The following SKAP2 variants were observed in gnomAD, a reference collection of about 807,000 sequenced individuals.
The protein encoded by SKAP2 is src kinase associated phosphoprotein 2, also known as src kinase-associated phosphoprotein 2.
A neutral mutation model predicts 54.9 loss-of-function variants in SKAP2; 28 were observed. The observed-to-expected ratio is 0.51, with a 90% confidence interval of 0.38 to 0.70. The LOEUF (loss-of-function observed/expected upper bound fraction) is 0.70, where lower values mean the gene tolerates loss of function less well. Ranked by LOEUF, SKAP2 falls within the 30% of genes least tolerant of loss-of-function variation. The pLI, the probability that SKAP2 is intolerant of heterozygous loss-of-function variation, is 0.00. For synonymous variants in SKAP2, 137 were observed against 134.3 expected (o/e 1.02, Z -0.14); for missense variants, 356 against 424.1 (o/e 0.84, Z 1.41).
chr7:26,800,057 G>A (rs1381138042), intron 4 of SKAP2, among the ~76,000 whole-genome samples: 1 of 152,100 alleles, frequency 6.6e-6, no homozygotes, highest in Non-Finnish European at 1.5e-5. Context: ...CCAGGAGGTG[G>A]AGCTTGCAGT....
intron 4 of SKAP2, among the ~76,000 whole-genome samples, chr7:26,842,055 A>G (rs1173252254): frequency 6.6e-6 from 1 of 151,986 alleles, no homozygotes; most frequent in African/African-American, 2.4e-5. Flanking sequence ...TGATACATTG[A>G]GATGATATTT....
intron 6 of SKAP2, 40 bp downstream of exon 6, chr7:26,738,755 T>G: frequency 8.1e-7 from 1 of 1,229,062 alleles, no homozygotes. Flanking sequence ...CCAAAAATTC[T>G]TTTGCAATAG....
At position 26,669,671 on chromosome 7, in the gene SKAP2, G is replaced by A. The variant is rs1043416345; in HGVS notation, c.*10-15C>T. The A allele has an allele frequency of 2.6e-5, 4 of 152,462 alleles. No individual in the cohort carries two copies. The highest frequency in any genetic ancestry group is 9.7e-5 in the African/African-American group (4 of 41,410). 9.4% of individuals were successfully genotyped at this position (152,462 alleles called of 1,614,324 possible). On this transcript the variant is annotated splice_polypyrimidine_tract_variant and intron_variant, in intron 12 of 12. Transcript: ENST00000345317. ...ATTTTCCTTTTCTGCAGGAGAAAGG[G>A]AAAGCTGCATTTTAATTTTTGATTC...
chr7:26,795,635 C>A (rs1306645350), intron 4 of SKAP2, among the ~76,000 whole-genome samples: 1 of 152,096 alleles, frequency 6.6e-6, no homozygotes, highest in East Asian at 1.9e-4. Flanking sequence ...ATCATTTAAG[C>A]CCCTATGTTA....
intron 4 of SKAP2, among the ~76,000 whole-genome samples, chr7:26,748,792 T>C (rs912501560): frequency 5.3e-5 from 8 of 152,132 alleles, no homozygotes; most frequent in African/African-American, 1.9e-4. Context: ...GGTTTTAATT[T>C]AATGCATCTC....
rs1248402408 is a variant in SKAP2 at position 26,770,599 on chromosome 7, A to T, written c.308-30635T>A. 3.3e-5 allele frequency among the ~76,000 whole-genome samples: 5 copies of T among 152,284 alleles called. No homozygotes were observed. In the East Asian group the frequency reaches 9.7e-4, roughly 29 times the overall value. On this transcript the variant is annotated intron_variant, in intron 4 of 12. Transcript: ENST00000345317. ...CCCTGGTGGCATAGGCACCCAAGGG[A>T]ATCTCCTGGTCTGCAGGTTGCAAAG...
chr7:26,698,864 T>C (rs1488459216), intron 9 of SKAP2, among the ~76,000 whole-genome samples: 3 of 152,230 alleles, frequency 2.0e-5, no homozygotes, highest in Non-Finnish European at 4.4e-5. Flanking sequence ...ATTAGGATTT[T>C]AGAAACTTGT....
intron 9 of SKAP2, among the ~76,000 whole-genome samples, chr7:26,695,618 ACTGT>A (rs1786878045): frequency 2.6e-5 from 4 of 152,338 alleles, no homozygotes; most frequent in East Asian, 3.9e-4. Flanking sequence ...TACTTAAAAT[ACTGT>A]CTGTTTGTGG....
chr7:26,740,628 G>A (rs909524699), intron 4 of SKAP2, among the ~76,000 whole-genome samples: 1 of 152,124 alleles, frequency 6.6e-6, no homozygotes, highest in Non-Finnish European at 1.5e-5. Flanking sequence ...TATATTCACG[G>A]TCATGGATTA....
chr7:26,813,298 T>C (rs1784195577), intron 4 of SKAP2, among the ~76,000 whole-genome samples: 1 of 152,182 alleles, frequency 6.6e-6, no homozygotes, highest in Admixed American at 6.5e-5. Flanking sequence ...CTTGATAATA[T>C]ATTAAAAATC....
chr7:26,658,709 G>C, the SKAP2 span, among the ~76,000 whole-genome samples: 1 of 152,070 alleles, frequency 6.6e-6, no homozygotes, highest in Non-Finnish European at 1.5e-5. Flanking sequence ...AAGAGAATAG[G>C]TAATGCAAAT....
At chr7:26,729,134 A>G (rs963483414) in intron 6 of SKAP2, among the ~76,000 whole-genome samples, 1 of 152,174 alleles carries the variant, frequency 6.6e-6, no homozygotes, top group Admixed American at 6.6e-5. Context: ...AACTCAGACT[A>G]GCAGATTCAT....
intron 4 of SKAP2, among the ~76,000 whole-genome samples, chr7:26,748,716 T>C (rs1782612581): frequency 6.6e-6 from 1 of 152,096 alleles, no homozygotes; most frequent in Non-Finnish European, 1.5e-5. Context: ...AAAAATATAA[T>C]TCTAAATATA....
intron 4 of SKAP2, among the ~76,000 whole-genome samples, chr7:26,752,847 C>T (rs1265389120): frequency 6.6e-6 from 1 of 152,180 alleles, no homozygotes; most frequent in African/African-American, 2.4e-5. Context: ...AGGACAATTC[C>T]AGCCTGTGAA....
chr7:26,686,983 C>T (rs1419315625), intron 10 of SKAP2, among the ~76,000 whole-genome samples: 2 of 151,982 alleles, frequency 1.3e-5, no homozygotes, highest in African/African-American at 4.8e-5. Context: ...TTTGGCTTAG[C>T]TATGTTGTCC....
chr7:26,855,005 T>G (rs1335129969), intron 1 of SKAP2, 115 bp from the exon 2 acceptor site: 1 of 666,968 alleles, frequency 1.5e-6, no homozygotes, highest in South Asian at 2.2e-5. Context: ...TACAATTTGT[T>G]ATAGTTATTT....
At chr7:26,664,336 G>C (rs548042610), downstream of SKAP2, among the ~76,000 whole-genome samples, 5 of 152,142 alleles carry the variant, frequency 3.3e-5, no homozygotes, top group Admixed American at 1.3e-4. Context: ...GTAAATGTTA[G>C]CTATTACTAT....
intron 4 of SKAP2, among the ~76,000 whole-genome samples, chr7:26,750,759 G>T (rs1782663830): frequency 6.6e-6 from 1 of 152,136 alleles, no homozygotes; most frequent in Non-Finnish European, 1.5e-5. Context: ...TGGGGAAAAT[G>T]ATGTTTATGG....
chr7:26,759,816 T>G (rs926894026), intron 4 of SKAP2, among the ~76,000 whole-genome samples: 1 of 152,162 alleles, frequency 6.6e-6, no homozygotes, highest in African/African-American at 2.4e-5. Flanking sequence ...AAATACAAGT[T>G]TTCTGGCCAA....
Sources: gnomAD v4.1 joint callset for allele counts (sites outside exome capture counted in the v4.1 genomes callset) on GRCh38, gnomAD v4.1.1 for gene constraint, MANE v1.5 for transcripts, NCBI Gene and HGNC (gene_info 2026-07-23, HGNC 2026-07-21) for gene names.